The following TRPS1 variants were observed in gnomAD, a reference collection of about 807,000 sequenced individuals.
The protein encoded by TRPS1 is transcriptional repressor GATA binding 1.
A neutral mutation model predicts 101.2 loss-of-function variants in TRPS1; 6 were observed. That is an observed-to-expected ratio of 0.06 (90% CI 0.03 to 0.12). The LOEUF (loss-of-function observed/expected upper bound fraction) is 0.12, where lower values mean the gene tolerates loss of function less well. TRPS1 is among the 10% of genes least tolerant of loss of function. The pLI is 1.00. For synonymous variants in TRPS1, 578 were observed against 589.8 expected (o/e 0.98, Z 0.29); for missense variants, 1,363 against 1,567.0 (o/e 0.87, Z 2.20).
At chr8:115,598,340 C>T (rs1817834199) in intron 4 of TRPS1, among the ~76,000 whole-genome samples, 1 of 152,070 alleles carries the variant, frequency 6.6e-6, no homozygotes, top group Non-Finnish European at 1.5e-5. Context: ...CTAAGCAATA[C>T]CTTAGTCTTT....
chr8:115,588,358 C>A (rs576902184), intron 4 of TRPS1, among the ~76,000 whole-genome samples: 2 of 152,200 alleles, frequency 1.3e-5, no homozygotes, highest in African/African-American at 4.8e-5. Flanking sequence ...CAAATTCTAT[C>A]CATCTATGAG....
At chr8:115,549,869 A>G (rs1040858436) in intron 5 of TRPS1, among the ~76,000 whole-genome samples, 2 of 152,152 alleles carry the variant, frequency 1.3e-5, no homozygotes, top group African/African-American at 2.4e-5. Context: ...TGGATAGGTA[A>G]CAAATGTTGC....
chr8:115,429,531 C>T (rs1234507558), intron 5 of TRPS1, among the ~76,000 whole-genome samples: 1 of 152,102 alleles, frequency 6.6e-6, no homozygotes, highest in African/African-American at 2.4e-5. Context: ...TAAGAACTAC[C>T]TCATCGCATC....
chr8:115,543,283 T>C (rs1320703816), intron 5 of TRPS1, among the ~76,000 whole-genome samples: 9 of 152,300 alleles, frequency 5.9e-5, no homozygotes. Context: ...AGGATTAAAC[T>C]AAATTGTGGC....
intron 5 of TRPS1, among the ~76,000 whole-genome samples, chr8:115,453,222 T>C (rs1179593450): frequency 6.6e-6 from 1 of 152,162 alleles, no homozygotes; most frequent in Non-Finnish European, 1.5e-5. Context: ...GGTTTCACCA[T>C]CTTGGCCGGG....
At chr8:115,615,526 T>C (rs1409326040) in intron 3 of TRPS1, among the ~76,000 whole-genome samples, 1 of 152,052 alleles carries the variant, frequency 6.6e-6, no homozygotes, top group Non-Finnish European at 1.5e-5. Flanking sequence ...TCCCAGCACT[T>C]TGGGAGGCCG....
chr8:115,632,528 T>C (rs1734427915), intron 1 of TRPS1, among the ~76,000 whole-genome samples: 1 of 151,982 alleles, frequency 6.6e-6, no homozygotes, highest in Non-Finnish European at 1.5e-5. Context: ...ACAGTATTAC[T>C]TCCTGAATTT....
At chr8:115,607,371 T>C (rs1338088770) in intron 3 of TRPS1, among the ~76,000 whole-genome samples, 3 of 150,934 alleles carry the variant, frequency 2.0e-5, no homozygotes, top group East Asian at 1.9e-4. Context: ...TAGGATTAAC[T>C]AAGCTATAAA....
In TRPS1 at chr8:115,409,261, G is replaced by GGA. The variant is rs886062602; in HGVS notation, c.*4761_*4762insTC. Reference sequence around the variant, plus strand: ...TGATATGCTGCAGTTTATATGTTGGGAAAAAAAAAAAAAAAAAAAACAGGG... The same window carrying GGA: ...TGATATGCTGCAGTTTATATGTTGGGGAAAAAAAAAAAAAAAAAAAAACAGGG... On this transcript the variant is annotated 3_prime_UTR_variant, in exon 7 of 7. Coordinates refer to ENST00000395715, the MANE Select transcript of TRPS1 (RefSeq NM_014112.5). 1 of 102,262 alleles carries GGA rather than the reference G, an allele frequency of 9.8e-6. No individual in the cohort carries two copies. The highest frequency in any genetic ancestry group is 1.2e-4 in the Admixed American group (1 of 8,602). The allele number at this position is 102,262 out of a possible 1,614,324, so 6.3% of individuals were successfully genotyped here.
intron 1 of TRPS1, among the ~76,000 whole-genome samples, chr8:115,663,558 G>A (rs564912309): frequency 6.6e-6 from 1 of 151,838 alleles, no homozygotes; most frequent in East Asian, 1.9e-4. Context: ...ACTTAAGAAC[G>A]ACAAGTGTAT....
At chr8:115,607,688 A>T (rs569072812) in intron 3 of TRPS1, among the ~76,000 whole-genome samples, 1 of 151,834 alleles carries the variant, frequency 6.6e-6, no homozygotes, top group Non-Finnish European at 1.5e-5. Flanking sequence ...AAGCTAATAT[A>T]ATATTAGAAT....
At chr8:115,422,992 C>T (rs1001961623) in intron 5 of TRPS1, among the ~76,000 whole-genome samples, 1 of 152,134 alleles carries the variant, frequency 6.6e-6, no homozygotes, top group African/African-American at 2.4e-5. Context: ...TTTCTCTCCT[C>T]TCAGACTGAG....
intron 5 of TRPS1, among the ~76,000 whole-genome samples, chr8:115,482,689 G>C (rs987858843): frequency 2.0e-4 from 31 of 152,032 alleles, no homozygotes; most frequent in African/African-American, 7.2e-4. Context: ...TTTCTTTTTG[G>C]TTCTTTTCAT....
chr8:115,649,096 T>C (rs1179402375), intron 1 of TRPS1, among the ~76,000 whole-genome samples: 2 of 152,218 alleles, frequency 1.3e-5, no homozygotes, highest in African/African-American at 4.8e-5. Flanking sequence ...GAGTTCTTTT[T>C]ATAACAAGAG....
At chr8:115,565,160 G>A (rs1817037059) in intron 5 of TRPS1, among the ~76,000 whole-genome samples, 1 of 152,132 alleles carries the variant, frequency 6.6e-6, no homozygotes, top group Non-Finnish European at 1.5e-5. Flanking sequence ...CTGCTGACAA[G>A]CAGAAAGCAG....
intron 2 of TRPS1, among the ~76,000 whole-genome samples, chr8:115,621,657 G>A (rs1818394585): frequency 6.6e-6 from 1 of 152,324 alleles, no homozygotes; most frequent in African/African-American, 2.4e-5. Context: ...GCTCACGCCT[G>A]TAATCCCAGC....
chr8:115,447,950 A>T (rs1027332087), intron 5 of TRPS1, among the ~76,000 whole-genome samples: 8 of 152,298 alleles, frequency 5.3e-5, no homozygotes, highest in Non-Finnish European at 1.0e-4. Flanking sequence ...AATACATTTT[A>T]TGCTTGCTTA....
chr8:115,586,420 C>T (rs1449895992), intron 5 of TRPS1, among the ~76,000 whole-genome samples: 2 of 152,250 alleles, frequency 1.3e-5, no homozygotes, highest in South Asian at 2.1e-4. Flanking sequence ...CTTCTTTGGC[C>T]GCTTTTCACA....
At chr8:115,475,584 T>G (rs1483924299) in intron 5 of TRPS1, among the ~76,000 whole-genome samples, 1 of 152,068 alleles carries the variant, frequency 6.6e-6, no homozygotes, top group African/African-American at 2.4e-5. Context: ...ATTCCATTAT[T>G]TCATTTAATA....
Sources: allele counts gnomAD v4.1 joint callset (sites outside exome capture counted in the v4.1 genomes callset), GRCh38; gene constraint gnomAD v4.1.1; transcripts MANE v1.5; gene names NCBI Gene and HGNC (gene_info 2026-07-23, HGNC 2026-07-21).